The following SCARA5 variants were observed in gnomAD, a reference collection of about 807,000 sequenced individuals.
SCARA5 encodes the protein scavenger receptor class A member 5, also known as scavenger receptor class A, member 5 (putative).
SCARA5 carries 45 observed loss-of-function variants against 46.3 expected under a neutral mutation model. The observed-to-expected ratio is 0.97, with a 90% CI of 0.76 to 1.24. The LOEUF (loss-of-function observed/expected upper bound fraction) is 1.24. SCARA5 is among the 50% of genes most tolerant of loss of function. SCARA5 has a pLI of 0.00. For synonymous variants in SCARA5, 333 were observed against 306.5 expected, an observed-to-expected ratio of 1.09 and a Z score of -0.90; for missense variants, 680 against 689.0, an observed-to-expected ratio of 0.99 and a Z score of 0.15.
chr8:27,894,986 G>T (rs1489699442), intron 7 of SCARA5, among the ~76,000 whole-genome samples: 1 of 152,160 alleles, frequency 6.6e-6, no homozygotes, highest in Non-Finnish European at 1.5e-5. Context: ...GCTTGGCTGT[G>T]CACCAGAAGG....
At chr8:27,978,739 G>A (rs1386815096) in intron 2 of SCARA5, among the ~76,000 whole-genome samples, 1 of 152,042 alleles carries the variant, frequency 6.6e-6, no homozygotes, top group Non-Finnish European at 1.5e-5. Flanking sequence ...TTGAACTCCT[G>A]GCCTCAAGCA....
chr8:27,922,352 T>C, intron 3 of SCARA5, 107 bp from the exon 4 acceptor site: 1 of 675,838 alleles, frequency 1.5e-6, no homozygotes, highest in African/African-American at 2.2e-5. Flanking sequence ...GCTCAATAAA[T>C]GATAGACGAA....
chr8:27,877,556 A>G (rs537985747), intron 8 of SCARA5, among the ~76,000 whole-genome samples: 38 of 152,152 alleles, frequency 2.5e-4, no homozygotes, highest in Non-Finnish European at 5.3e-4. Context: ...AAAATAATTT[A>G]TAATTTTTTT....
chr8:27,965,556 C>T (rs1203731255), intron 3 of SCARA5, among the ~76,000 whole-genome samples: 6 of 152,200 alleles, frequency 3.9e-5, no homozygotes, highest in African/African-American at 1.4e-4. Context: ...AGGCTGGGAG[C>T]TCCTTGAGAG....
At position 27,879,625 on chromosome 8, in the gene SCARA5, C is replaced by CG. The variant is rs766411940; in HGVS notation, c.1294dup (p.Arg432ProfsTer28). 1 of 1,611,908 alleles carries CG rather than the reference C, an allele frequency of 6.2e-7. No individual in the cohort carries two copies. Among genetic ancestry groups the CG allele is most frequent in the Non-Finnish European group, 8.5e-7 (1 of 1,180,010 alleles). On this transcript the variant is annotated frameshift_variant, in exon 8 of 9. Transcript: ENST00000354914. LOFTEE classifies it high-confidence loss of function. ...CTCCACACCGCGGAAGCCGAGCATG[C>CG]GGCACACCACGTCTCCGTCCTTCTT...
intron 2 of SCARA5, among the ~76,000 whole-genome samples, chr8:27,983,735 G>A (rs1332543875): frequency 6.6e-6 from 1 of 152,136 alleles, no homozygotes; most frequent in African/African-American, 2.4e-5. Context: ...CATGAGAGTG[G>A]GGCAGCTCAT....
intron 4 of SCARA5, among the ~76,000 whole-genome samples, chr8:27,915,101 G>A (rs1428747013): frequency 2.6e-5 from 4 of 152,166 alleles, no homozygotes; most frequent in Non-Finnish European, 4.4e-5. Flanking sequence ...GGGTAGAGTG[G>A]CTCAGCAAAC....
Position 27,879,662 on chromosome 8 carries a change from C to T in SCARA5, c.1258G>A (p.Asp420Asn), listed in dbSNP as rs765116915. The change falls in exon 8 of 9, where the codon GAC becomes AAC. Residue 420 changes from aspartate to asparagine, a missense_variant. This residue lies in a region of SCARA5 where 219 missense variants were observed against 269.5 expected (regional missense o/e 0.81). Coordinates refer to ENST00000354914, the MANE Select transcript of SCARA5 (RefSeq NM_173833.6). ...HDRRWGTVCD[D>N]GWDKKDGDVV... ...TCTCCGTCCTTCTTGTCCCAGCCGTCGTCACACACGGTGCCCCAACGCCGG... is the reference window on the plus strand; with the variant it reads ...TCTCCGTCCTTCTTGTCCCAGCCGTTGTCACACACGGTGCCCCAACGCCGG... 13 of 1,612,920 alleles carry T rather than the reference C, an allele frequency of 8.1e-6. No homozygotes were observed. The highest frequency in any genetic ancestry group is 2.2e-5 in the East Asian group (1 of 44,904).
chr8:27,966,510 A>G lies in SCARA5; in HGVS notation c.145T>C (p.Cys49Arg), dbSNP rs760484926. 9.3e-6 allele frequency: 15 copies of G among 1,613,672 alleles called. No homozygotes were observed. In the Admixed American group the frequency reaches 2.3e-4, roughly 25 times the overall value. ...GCCGACAGGGACCCCAGCTGGGTACAGCAGATGCTTGCCCGCCGTTTGTGA... is the reference window on the plus strand; with the variant it reads ...GCCGACAGGGACCCCAGCTGGGTACGGCAGATGCTTGCCCGCCGTTTGTGA... Reference protein sequence around the residue: ...PCHKRRASICCTQLGSLSALK... With the variant: ...PCHKRRASICRTQLGSLSALK... Residue 49 changes from cysteine (C) to arginine (R), a missense_variant, in exon 3 of 9, where the codon TGT becomes CGT. Cys to Arg is a radical substitution (Grantham distance 180). This residue lies in a region of SCARA5 where 438 missense variants were observed against 384.5 expected (regional missense o/e 1.14). Coordinates refer to ENST00000354914, the MANE Select transcript of SCARA5 (RefSeq NM_173833.6).
intron 3 of SCARA5, among the ~76,000 whole-genome samples, chr8:27,956,171 T>A (rs1808203433): frequency 6.6e-6 from 1 of 151,988 alleles, no homozygotes; most frequent in South Asian, 2.1e-4. Context: ...AGGGTAAGGG[T>A]TGGAAAACTA....
intron 3 of SCARA5, among the ~76,000 whole-genome samples, chr8:27,964,507 A>G (rs1808338929): frequency 6.6e-6 from 1 of 152,222 alleles, no homozygotes; most frequent in Admixed American, 6.5e-5. Flanking sequence ...GGACATTATT[A>G]TAAACCTCAT....
intron 6 of SCARA5, among the ~76,000 whole-genome samples, chr8:27,905,352 A>G (rs1468464390): frequency 1.3e-5 from 2 of 152,058 alleles, no homozygotes; most frequent in Admixed American, 1.3e-4. Flanking sequence ...CTCCCTCTAC[A>G]AAGAAGTAGA....
intron 8 of SCARA5, among the ~76,000 whole-genome samples, chr8:27,877,895 C>T (rs1237632002): frequency 6.6e-6 from 1 of 152,226 alleles, no homozygotes; most frequent in South Asian, 2.1e-4. Flanking sequence ...CCAAGAACTG[C>T]AGCAGCCCCT....
intron 7 of SCARA5, among the ~76,000 whole-genome samples, chr8:27,884,711 C>T (rs1441129864): frequency 3.3e-5 from 5 of 152,236 alleles, no homozygotes; most frequent in African/African-American, 4.8e-5. Context: ...TCACTTTGTG[C>T]ACCTACTCGT....
At chr8:27,968,193 C>T (rs527482556) in intron 2 of SCARA5, among the ~76,000 whole-genome samples, 1 of 152,142 alleles carries the variant, frequency 6.6e-6, no homozygotes, top group Non-Finnish European at 1.5e-5. Context: ...CTGCCCTGGT[C>T]CCCCAGAGGT....
At chr8:27,944,609 C>A (rs190541833) in intron 3 of SCARA5, among the ~76,000 whole-genome samples, 12 of 151,918 alleles carry the variant, frequency 7.9e-5, no homozygotes, top group African/African-American at 2.9e-4. Context: ...TGCCTGTAAT[C>A]CTAGCACTTT....
intron 8 of SCARA5, among the ~76,000 whole-genome samples, chr8:27,873,947 G>GGCTGATCCA (rs1309705097): frequency 6.6e-6 from 1 of 152,212 alleles, no homozygotes; most frequent in Non-Finnish European, 1.5e-5. Flanking sequence ...CTACGCAGGA[G>GGCTGATCCA]GCTGAGGCAG....
Position 27,966,451 on chromosome 8 carries a change from C to G in SCARA5, c.204G>C (p.Leu68=), listed in dbSNP as rs753823707. The G allele has an allele frequency of 6.2e-7, 1 of 1,613,400 alleles. No homozygotes were observed. Among genetic ancestry groups the G allele is most frequent in the South Asian group, 1.1e-5 (1 of 90,966 alleles). The change falls in exon 3 of 9, where the codon CTG becomes CTC. Residue 68 remains leucine, a synonymous_variant. Transcript: ENST00000354914. The part of the protein sequence containing the change: ...LKHAVLGLYL[L]VFLILVGIFI... ...AGATGCCCACAAGAATCAGGAAGACCAGCAGGTAGAGCCCCAGGACAGCAT... is the reference window on the plus strand; with the variant it reads ...AGATGCCCACAAGAATCAGGAAGACGAGCAGGTAGAGCCCCAGGACAGCAT...
At chr8:27,918,770 G>GAAGA in intron 4 of SCARA5, among the ~76,000 whole-genome samples, 1 of 149,694 alleles carries the variant, frequency 6.7e-6, no homozygotes, top group African/African-American at 2.5e-5. Context: ...AGAAAGGGTG[G>GAAGA]AGGAGAAGGA....
Sources: allele counts gnomAD v4.1 joint callset (sites outside exome capture counted in the v4.1 genomes callset), GRCh38; gene constraint gnomAD v4.1.1; regional missense constraint gnomAD v4.1.1; transcripts MANE v1.5; gene names NCBI Gene and HGNC (gene_info 2026-07-23, HGNC 2026-07-21).